Variants in IPCEF1 observed in about 807,000 individuals in gnomAD.
The protein encoded by IPCEF1 is interactor protein for cytohesin exchange factors 1.
In IPCEF1, 31 loss-of-function variants were observed where a neutral mutation model predicts 50.9. The observed-to-expected ratio is 0.61, with a 90% CI of 0.46 to 0.82. The LOEUF (loss-of-function observed/expected upper bound fraction) is 0.82. Ranked by LOEUF, IPCEF1 falls within the 40% of genes least tolerant of loss-of-function variation. The probability of loss-of-function intolerance (pLI) is 0.00; values close to 1 mark genes in which losing one functional copy is unlikely to be tolerated. For missense variants in IPCEF1, 458 were observed against 514.0 expected (o/e 0.89, Z 1.05); for synonymous variants, 181 against 192.0 (o/e 0.94, Z 0.47).
intron 5 of IPCEF1, 118 bp from the exon 6 acceptor site, chr6:154,223,361 A>G: frequency 3.9e-6 from 3 of 775,428 alleles, no homozygotes; most frequent in Non-Finnish European, 6.6e-6. Flanking sequence ...ATCAAGAGAT[A>G]CCAACCACCC....
chr6:154,352,282 C>T (rs144068630), intron 1 of IPCEF1, among the ~76,000 whole-genome samples: 432 of 152,350 alleles, frequency 2.8e-3, no homozygotes, highest in African/African-American at 9.6e-3. Flanking sequence ...CAGCATTCCA[C>T]GTATGAAATA....
At chr6:154,206,821 G>T (rs886326233) in intron 9 of IPCEF1, among the ~76,000 whole-genome samples, 1 of 152,326 alleles carries the variant, frequency 6.6e-6, no homozygotes, top group East Asian at 1.9e-4. Context: ...ACGAGGGCAG[G>T]AATGTCTGGA....
chr6:154,230,091 G>C (rs960289455), intron 5 of IPCEF1, among the ~76,000 whole-genome samples: 7 of 152,034 alleles, frequency 4.6e-5, no homozygotes, highest in African/African-American at 1.7e-4. Context: ...GGGGATGGGG[G>C]ATCTTATTGG....
intron 9 of IPCEF1, among the ~76,000 whole-genome samples, chr6:154,200,874 T>A (rs1317566495): frequency 6.6e-6 from 1 of 152,176 alleles, no homozygotes; most frequent in Non-Finnish European, 1.5e-5. Flanking sequence ...ACATCACCAA[T>A]GATATGGTTG....
In IPCEF1 at chr6:154,259,508, C is replaced by T. The variant is rs537359688; in HGVS notation, c.36+6404G>A. 5.3e-5 allele frequency among the ~76,000 whole-genome samples: 8 copies of T among 151,954 alleles called. No homozygotes were observed. In the South Asian group the frequency reaches 8.3e-4, roughly 16 times the overall value. ...TCTCTACTAAAAATACAAAATTAGC[C>T]GGGCGTGGTGGCATGTGCCTGTAAT... On this transcript the variant is annotated intron_variant, in intron 3 of 11. Transcript: ENST00000367220.
chr6:154,306,614 C>T (rs1426145866), intron 1 of IPCEF1: 1 of 152,360 alleles, frequency 6.6e-6, no homozygotes, highest in South Asian at 2.1e-4. Flanking sequence ...GTCAATGCAC[C>T]CTTACCCTAT....
In IPCEF1 at chr6:154,265,286, G is replaced by T. The variant is rs1477107639; in HGVS notation, c.36+626C>A. ...ATGATTTCAGTGAAATTATTATTATGTTTTTTTTTTTTGAGGCGGAGTCTC... is the reference window on the plus strand; with the variant it reads ...ATGATTTCAGTGAAATTATTATTATTTTTTTTTTTTTTGAGGCGGAGTCTC... On this transcript the variant is annotated intron_variant, in intron 3 of 11. Coordinates refer to ENST00000367220, the MANE Select transcript of IPCEF1 (RefSeq NM_001130700.2). Among the ~76,000 whole-genome samples, 4 of 145,810 alleles carry T rather than the reference G, an allele frequency of 2.7e-5. No individual in the cohort carries two copies. The South Asian group carries it at 8.7e-4, about 32-fold the overall frequency.
At chr6:154,183,520 T>A (rs572152891) in intron 10 of IPCEF1, among the ~76,000 whole-genome samples, 8 of 152,328 alleles carry the variant, frequency 5.3e-5, no homozygotes, top group Non-Finnish European at 1.0e-4. Context: ...ATTACCTGAA[T>A]GATAGTGCCA....
At chr6:154,213,005 G>T (rs1284847112) in intron 8 of IPCEF1, 150 bp from the exon 9 acceptor site, 1 of 629,968 alleles carries the variant, frequency 1.6e-6, no homozygotes, top group Non-Finnish European at 2.9e-6. Context: ...ACTACCTGGT[G>T]CAAAGGAATT....
intron 10 of IPCEF1, among the ~76,000 whole-genome samples, chr6:154,183,542 G>A (rs943260076): frequency 9.9e-5 from 15 of 152,076 alleles, no homozygotes; most frequent in African/African-American, 2.7e-4. Flanking sequence ...GGAGAGGTGC[G>A]CTCTATAGAA....
chr6:154,331,421 A>AAAAG (rs1409454497), intron 1 of IPCEF1, among the ~76,000 whole-genome samples: 1 of 148,250 alleles, frequency 6.7e-6, no homozygotes, highest in Admixed American at 6.7e-5. Context: ...GAGAAAAAGA[A>AAAAG]AGAGAGAGAG....
In IPCEF1 at chr6:154,154,984, C is replaced by T. The variant is rs969115115; in HGVS notation, c.*4844G>A. 3 of 151,694 alleles carry T rather than the reference C, an allele frequency of 2.0e-5. No homozygotes were observed. Among genetic ancestry groups the T allele is most frequent in the Non-Finnish European group, 2.9e-5 (2 of 68,010 alleles). The allele number at this position is 151,694 out of a possible 1,614,324, so 9.4% of individuals were successfully genotyped here. The stretch of plus-strand genomic sequence containing the variant: ...TATTTTACGGCATTTGCTCTTTCCA[C>T]GAGGCACACTTCCCTTTTGGGCTAA... On this transcript the variant is annotated 3_prime_UTR_variant, in exon 12 of 12. Transcript: ENST00000367220.
intron 3 of IPCEF1, among the ~76,000 whole-genome samples, chr6:154,248,132 T>G (rs1781205801): frequency 1.3e-5 from 2 of 152,214 alleles, no homozygotes; most frequent in Non-Finnish European, 1.5e-5. Flanking sequence ...CTCTGAATAT[T>G]TCTCACGTTT....
chr6:154,269,294 G>A (rs900610833), intron 2 of IPCEF1, among the ~76,000 whole-genome samples: 11 of 152,178 alleles, frequency 7.2e-5, no homozygotes, highest in Admixed American at 2.0e-4. Context: ...ATGGAAATGA[G>A]ATGATGTTGA....
chr6:154,228,055 C>CTTCCTCCTCATT (rs1779405442), intron 5 of IPCEF1, among the ~76,000 whole-genome samples: 2 of 152,140 alleles, frequency 1.3e-5, no homozygotes, highest in African/African-American at 4.8e-5. Context: ...GTGTTCTTCT[C>CTTCCTCCTCATT]TTCCTCCTCC....
chr6:154,253,560 A>C (rs984462360), intron 3 of IPCEF1, among the ~76,000 whole-genome samples: 48 of 152,370 alleles, frequency 3.2e-4, no homozygotes, highest in African/African-American at 1.1e-3. Flanking sequence ...ATGTTATGCT[A>C]TCACAAAAAT....
At chr6:154,196,539 G>A (rs1230872232) in intron 10 of IPCEF1, among the ~76,000 whole-genome samples, 1 of 152,100 alleles carries the variant, frequency 6.6e-6, no homozygotes, top group African/African-American at 2.4e-5. Flanking sequence ...CAGCTTTTCA[G>A]CATCCAGAGT....
chr6:154,307,009 C>T (rs1018612636), intron 1 of IPCEF1, among the ~76,000 whole-genome samples: 6 of 152,216 alleles, frequency 3.9e-5, no homozygotes, highest in East Asian at 1.9e-4. Flanking sequence ...GACATTCATC[C>T]GCTCACAGTT....
intron 2 of IPCEF1, among the ~76,000 whole-genome samples, chr6:154,277,457 G>C (rs1267107795): frequency 2.6e-5 from 4 of 152,134 alleles, no homozygotes; most frequent in Non-Finnish European, 4.4e-5. Context: ...CCTAGTGGAA[G>C]AACACCTAAG....
Sources: gnomAD v4.1 joint callset for allele counts (sites outside exome capture counted in the v4.1 genomes callset) on GRCh38, gnomAD v4.1.1 for gene constraint, MANE v1.5 for transcripts, NCBI Gene and HGNC (gene_info 2026-07-23, HGNC 2026-07-21) for gene names.